CXCL13: variants seen among roughly 807,000 people sequenced by gnomAD.
The protein encoded by CXCL13 is C-X-C motif chemokine ligand 13.
In CXCL13, 7 loss-of-function variants were observed where a neutral mutation model predicts 12.2. That is an observed-to-expected ratio of 0.57 (90% CI 0.33 to 1.07). The LOEUF (loss-of-function observed/expected upper bound fraction) is 1.07, where lower values mean the gene tolerates loss of function less well. CXCL13 is among the 50% of genes least tolerant of loss of function. The pLI is 0.04. For synonymous variants in CXCL13, 47 were observed against 42.4 expected, an observed-to-expected ratio of 1.11 and a Z score of -0.42; for missense variants, 113 against 127.4, an observed-to-expected ratio of 0.89 and a Z score of 0.55.
chr4:77,573,313 T>C (rs1490394280), intron 1 of CXCL13, among the ~76,000 whole-genome samples: 1 of 151,658 alleles, frequency 6.6e-6, no homozygotes, highest in Non-Finnish European at 1.5e-5. Flanking sequence ...AAATAGTTTG[T>C]GTTACTATCT....
chr4:77,522,514 C>CTTT lies in CXCL13; in HGVS notation c.-43+10754_-43+10756dup, dbSNP rs777857811. 5.6e-3 allele frequency among the ~76,000 whole-genome samples: 57 copies of CTTT among 10,090 alleles called. 15 individuals are homozygous for CTTT. Among genetic ancestry groups the CTTT allele is most frequent in the African/African-American group, 6.6e-3 (17 of 2,558 alleles). The allele number at this position is 10,090 out of a possible 152,430, so 6.6% of individuals were successfully genotyped here. A position where few individuals can be genotyped will look rare whatever the true frequency, so the allele number is the denominator to read the frequency against. Reference sequence around the variant, plus strand: ...TCAGAGACTAGGACTGCAACCCCTGCTTTTTTTTTTTTTTTTTTTTTTTTT... The same window carrying CTTT: ...TCAGAGACTAGGACTGCAACCCCTGCTTTTTTTTTTTTTTTTTTTTTTTTTTTT... On this transcript the variant is annotated intron_variant, in intron 1 of 4. Coordinates refer to the CXCL13 transcript ENST00000286758.
At chr4:77,514,252 G>A (rs907404670) in intron 1 of CXCL13, among the ~76,000 whole-genome samples, 2 of 152,102 alleles carry the variant, frequency 1.3e-5, no homozygotes, top group Admixed American at 6.5e-5. Flanking sequence ...TGTGAATAGT[G>A]CTGCAATAAA....
At chr4:77,603,688 A>AGATG (rs1181448811), upstream of CXCL13, among the ~76,000 whole-genome samples, 2 of 152,206 alleles carry the variant, frequency 1.3e-5, no homozygotes, top group Non-Finnish European at 2.9e-5. Flanking sequence ...ATGGATGGAC[A>AGATG]GATGGATGGA....
intron 1 of CXCL13, among the ~76,000 whole-genome samples, chr4:77,567,361 G>A (rs72861940): frequency 0.057 from 8,677 of 152,224 alleles, 857 homozygotes; most frequent in African/African-American, 0.2. Flanking sequence ...TCACATGGAC[G>A]CGCACAACAT....
In CXCL13 at chr4:77,611,262, G is replaced by C; in HGVS notation, c.*223G>C. 2.3e-6 allele frequency: 1 copy of C among 425,856 alleles called. No individual in the cohort carries two copies. Among genetic ancestry groups the C allele is most frequent in the Admixed American group, 3.9e-5 (1 of 25,336 alleles). 26.4% of individuals were successfully genotyped at this position (425,856 alleles called of 1,614,324 possible). On this transcript the variant is annotated 3_prime_UTR_variant, in exon 4 of 4. Transcript: ENST00000682537. ...AGTTTGCATTCTTATTCATCAGGGA[G>C]GAAAGTTTCTTTGAAAATAGTTATT... is the stretch of plus-strand genomic sequence containing the variant.
chr4:77,576,088 T>C (rs1726191778), intron 1 of CXCL13, among the ~76,000 whole-genome samples: 1 of 151,898 alleles, frequency 6.6e-6, no homozygotes, highest in Non-Finnish European at 1.5e-5. Flanking sequence ...GCTACAGAAC[T>C]TTGACAGGTA....
At chr4:77,518,944 T>C (rs1409977319) in intron 1 of CXCL13, among the ~76,000 whole-genome samples, 3 of 152,210 alleles carry the variant, frequency 2.0e-5, no homozygotes, top group Non-Finnish European at 1.5e-5. Flanking sequence ...TGGACTTTGA[T>C]GATGGTGATG....
At chr4:77,607,239 T>A (rs1727019344) in intron 1 of CXCL13, among the ~76,000 whole-genome samples, 1 of 152,262 alleles carries the variant, frequency 6.6e-6, no homozygotes, top group Non-Finnish European at 1.5e-5. Flanking sequence ...CTACAGAGGC[T>A]GTTCTCAAAT....
At chr4:77,544,605 C>G (rs1725304802) in intron 1 of CXCL13, among the ~76,000 whole-genome samples, 1 of 152,084 alleles carries the variant, frequency 6.6e-6, no homozygotes, top group Non-Finnish European at 1.5e-5. Flanking sequence ...TTGATTTTTT[C>G]TTGTAAATTT....
intron 1 of CXCL13, among the ~76,000 whole-genome samples, chr4:77,577,900 GA>G (rs907245421): frequency 6.6e-6 from 1 of 151,994 alleles, no homozygotes; most frequent in Admixed American, 6.6e-5. Context: ...GGACTCCTTT[GA>G]AAAAACCTCC....
intron 1 of CXCL13, among the ~76,000 whole-genome samples, chr4:77,519,356 C>T (rs958773546): frequency 8.5e-5 from 13 of 152,182 alleles, no homozygotes; most frequent in African/African-American, 1.2e-4. Context: ...CCGTCTTCTG[C>T]GTCACTCACG....
upstream of CXCL13, among the ~76,000 whole-genome samples, chr4:77,602,594 G>C (rs1180478526): frequency 6.6e-6 from 1 of 151,334 alleles, no homozygotes; most frequent in Non-Finnish European, 1.5e-5. Context: ...AAATTACCCA[G>C]TTATGCTTGG....
intron 1 of CXCL13, among the ~76,000 whole-genome samples, chr4:77,595,383 C>T (rs942369946): frequency 2.6e-5 from 4 of 152,132 alleles, no homozygotes; most frequent in East Asian, 1.9e-4. Flanking sequence ...GCTAAAATTT[C>T]GGTACCACAG....
chr4:77,512,544 T>A (rs1237861920), intron 1 of CXCL13, among the ~76,000 whole-genome samples: 1 of 152,148 alleles, frequency 6.6e-6, no homozygotes, highest in East Asian at 1.9e-4. Context: ...CCCTTGCTCT[T>A]CATAGGGCCT....
intron 1 of CXCL13, among the ~76,000 whole-genome samples, chr4:77,600,134 A>G (rs1381800810): frequency 6.6e-6 from 1 of 151,992 alleles, no homozygotes; most frequent in Non-Finnish European, 1.5e-5. Flanking sequence ...GATTAGTGAG[A>G]AGTATCTAGG....
intron 1 of CXCL13, among the ~76,000 whole-genome samples, chr4:77,541,950 A>G (rs1438607528): frequency 6.6e-6 from 1 of 151,894 alleles, no homozygotes; most frequent in Admixed American, 6.6e-5. Flanking sequence ...GATTATTCCT[A>G]GGTGGGTTTT....
At chr4:77,521,557 G>T (rs1200417313) in intron 1 of CXCL13, among the ~76,000 whole-genome samples, 1 of 152,032 alleles carries the variant, frequency 6.6e-6, no homozygotes, top group African/African-American at 2.4e-5. Context: ...GGGATCGGTG[G>T]TGATATCCCC....
chr4:77,559,001 A>G (rs985587239), intron 1 of CXCL13, among the ~76,000 whole-genome samples: 1 of 152,022 alleles, frequency 6.6e-6, no homozygotes, highest in African/African-American at 2.4e-5. Flanking sequence ...TCTAGTTAGT[A>G]TTTTCCTCAT....
At position 77,595,191 on chromosome 4, in the gene CXCL13, C is replaced by T. The variant is rs137987686; in HGVS notation, c.-42-10633C>T. Among the ~76,000 whole-genome samples, 883 of 151,484 alleles carry T rather than the reference C, an allele frequency of 5.8e-3. 14 individuals are homozygous for T. The highest frequency in any genetic ancestry group is 0.019 in the African/African-American group (770 of 41,224). ...TAGTTTCCATTCACTTAATGTACTA[C>T]GGGCAGCCGCTGTTTTTGAGTTATC... On this transcript the variant is annotated intron_variant, in intron 1 of 4. Coordinates refer to the CXCL13 transcript ENST00000286758.
Sources: allele counts gnomAD v4.1 joint callset (sites outside exome capture counted in the v4.1 genomes callset), GRCh38; gene constraint gnomAD v4.1.1; transcripts MANE v1.5; gene names NCBI Gene and HGNC (gene_info 2026-07-23, HGNC 2026-07-21).